The following OCA2 variants were observed in gnomAD, a reference collection of about 807,000 sequenced individuals.
OCA2 encodes the protein P protein.
Under a neutral mutation model 100.2 loss-of-function variants are expected in OCA2, and 77 were observed. The observed-to-expected ratio is 0.77, with a 90% CI of 0.64 to 0.93. OCA2 has a LOEUF of 0.93. Among genes scored for constraint, OCA2 ranks in the 40% least tolerant of loss-of-function variants. The pLI, the probability that OCA2 is intolerant of heterozygous loss-of-function variation, is 0.00. For synonymous variants in OCA2, 432 were observed against 439.2 expected (o/e 0.98, Z 0.21); for missense variants, 1,062 against 1,089.1 (o/e 0.98, Z 0.35).
At chr15:27,863,106 G>A (rs2036197200) in intron 21 of OCA2, among the ~76,000 whole-genome samples, 1 of 152,100 alleles carries the variant, frequency 6.6e-6, no homozygotes, top group Non-Finnish European at 1.5e-5. Flanking sequence ...TCAGGAAGGA[G>A]AGGCCCCCTG....
At chr15:27,821,274 A>C (rs944268602) in intron 23 of OCA2, among the ~76,000 whole-genome samples, 7 of 152,094 alleles carry the variant, frequency 4.6e-5, no homozygotes, top group East Asian at 3.9e-4. Context: ...TTTTCTGGTA[A>C]TTCTGCTGCT....
At chr15:27,886,930 C>T (rs1203895226) in intron 19 of OCA2, among the ~76,000 whole-genome samples, 1 of 152,196 alleles carries the variant, frequency 6.6e-6, no homozygotes, top group African/African-American at 2.4e-5. Context: ...CAAATCTCAT[C>T]TGGTAGCTCC....
intron 9 of OCA2, among the ~76,000 whole-genome samples, chr15:28,004,256 CCT>C (rs1463565858): frequency 6.6e-6 from 1 of 152,232 alleles, no homozygotes; most frequent in African/African-American, 2.4e-5. Context: ...GGCTCCGCCC[CCT>C]CTCAGCCCCC....
chr15:27,907,038 C>T lies in OCA2; in HGVS notation c.2079+19089G>A, dbSNP rs374525087. Reference sequence around the variant, plus strand: ...ACCACAAAGATGGCACCATGCCATTCAGAAGGGATCCGCCACCATGACCCA... The same window carrying T: ...ACCACAAAGATGGCACCATGCCATTTAGAAGGGATCCGCCACCATGACCCA... On this transcript the variant is annotated intron_variant, in intron 19 of 23. Transcript: ENST00000354638. Among the ~76,000 whole-genome samples the T allele has an allele frequency of 6.8e-4, 104 of 152,334 alleles. 1 individual carries two copies. The highest frequency in any genetic ancestry group is 2.3e-3 in the African/African-American group (97 of 41,582).
chr15:28,086,828 G>A, intron 1 of OCA2, among the ~76,000 whole-genome samples: 1 of 151,874 alleles, frequency 6.6e-6, no homozygotes, highest in South Asian at 2.1e-4. Context: ...AAAATGGAGG[G>A]GACAGAGAAA....
intron 9 of OCA2, among the ~76,000 whole-genome samples, chr15:27,993,678 C>T (rs1595782008): frequency 6.6e-6 from 1 of 152,296 alleles, no homozygotes; most frequent in Admixed American, 6.5e-5. Flanking sequence ...CCTTTCTCCC[C>T]TCCCTCGTCA....
At chr15:27,893,031 C>T (rs1567070187) in intron 19 of OCA2, among the ~76,000 whole-genome samples, 1 of 152,134 alleles carries the variant, frequency 6.6e-6, no homozygotes, top group East Asian at 1.9e-4. Context: ...CTGAATAGCC[C>T]TTTAGCCATG....
chr15:27,905,311 T>G (rs1370494558), intron 19 of OCA2, among the ~76,000 whole-genome samples: 1 of 151,994 alleles, frequency 6.6e-6, no homozygotes, highest in Non-Finnish European at 1.5e-5. Context: ...CCACATAATG[T>G]GAAGGTAGAG....
chr15:28,016,695 C>A (rs1308483954), intron 7 of OCA2, among the ~76,000 whole-genome samples: 1 of 152,148 alleles, frequency 6.6e-6, no homozygotes, highest in African/African-American at 2.4e-5. Flanking sequence ...GCGGGAGGAT[C>A]CTGTGAGCCC....
intron 14 of OCA2, among the ~76,000 whole-genome samples, chr15:27,974,687 G>T (rs2040910339): frequency 6.6e-6 from 1 of 152,188 alleles, no homozygotes; most frequent in Non-Finnish European, 1.5e-5. Context: ...AGAATTGCTT[G>T]AACCCAGGAG....
At chr15:28,052,676 T>G (rs1007897529) in intron 2 of OCA2, among the ~76,000 whole-genome samples, 11 of 152,250 alleles carry the variant, frequency 7.2e-5, no homozygotes, top group African/African-American at 1.7e-4. Flanking sequence ...TACGATACGA[T>G]GTAAAACTAG....
intron 14 of OCA2, among the ~76,000 whole-genome samples, chr15:27,967,268 C>T (rs989650946): frequency 5.3e-5 from 8 of 152,154 alleles, no homozygotes; most frequent in African/African-American, 1.9e-4. Context: ...GGCAGAGGTC[C>T]TGGAGCCCAA....
intron 18 of OCA2, among the ~76,000 whole-genome samples, chr15:27,940,535 C>T (rs1181070822): frequency 6.6e-6 from 1 of 152,192 alleles, no homozygotes; most frequent in Non-Finnish European, 1.5e-5. Context: ...CCAGCAGGGA[C>T]CCTACTGACC....
At chr15:27,879,137 G>A (rs113162165) in intron 19 of OCA2, among the ~76,000 whole-genome samples, 2,801 of 152,180 alleles carry the variant, frequency 0.018, 86 homozygotes, top group African/African-American at 0.064. Flanking sequence ...CTAACTTGCC[G>A]AGGATAACAG....
At chr15:28,013,163 C>T (rs952893691) in intron 9 of OCA2, among the ~76,000 whole-genome samples, 4 of 152,180 alleles carry the variant, frequency 2.6e-5, no homozygotes, top group Non-Finnish European at 5.9e-5. Context: ...CTGTGAAGCA[C>T]AGGTGCCCCA....
At chr15:27,921,680 A>G (rs1046813364) in intron 19 of OCA2, among the ~76,000 whole-genome samples, 2 of 152,154 alleles carry the variant, frequency 1.3e-5, no homozygotes, top group Admixed American at 6.5e-5. Flanking sequence ...CCAATAACAT[A>G]AACAGTCAAT....
At chr15:27,873,583 C>A (rs2036670928) in intron 19 of OCA2, among the ~76,000 whole-genome samples, 3 of 152,048 alleles carry the variant, frequency 2.0e-5, no homozygotes, top group South Asian at 4.2e-4. Flanking sequence ...TGTATATGCC[C>A]CCCACATGCA....
chr15:27,957,841 T>G lies in OCA2; in HGVS notation c.1637-106A>C. 7.3e-7 allele frequency: 1 copy of G among 1,372,466 alleles called. No individual in the cohort carries two copies. Among genetic ancestry groups the G allele is most frequent in the Non-Finnish European group, 1.0e-6 (1 of 980,734 alleles). 85.0% of individuals were successfully genotyped at this position (1,372,466 alleles called of 1,614,324 possible). Reference sequence around the variant, plus strand: ...GATGCCTGACAGAGCAGACACACACTCGAGACGTGCAGGTAGCCCAGGGTC... The same window carrying G: ...GATGCCTGACAGAGCAGACACACACGCGAGACGTGCAGGTAGCCCAGGGTC... On this transcript the variant is annotated intron_variant, in intron 15 of 23. Coordinates refer to ENST00000354638, the MANE Select transcript of OCA2 (RefSeq NM_000275.3). This position sits in a 1 kb window ranked among gnomAD's most constrained non-coding sequence, Gnocchi z 4.3.
At chr15:27,988,061 G>A (rs12442916) in intron 11 of OCA2, among the ~76,000 whole-genome samples, 11,665 of 151,942 alleles carry the variant, frequency 0.077, 1,588 homozygotes, top group East Asian at 0.7. Flanking sequence ...ACGTGAATAC[G>A]CATGAGGAGA....
Sources: gnomAD v4.1 joint callset for allele counts (sites outside exome capture counted in the v4.1 genomes callset) on GRCh38, gnomAD v4.1.1 for gene constraint, Gnocchi (gnomAD v3.1) non-coding constraint, MANE v1.5 for transcripts, NCBI Gene and HGNC (gene_info 2026-07-23, HGNC 2026-07-21) for gene names.